The following GSE1 variants were observed in gnomAD, a reference collection of about 807,000 sequenced individuals.
The protein encoded by GSE1 is Gse1 coiled-coil protein, also known as genetic suppressor element 1.
GSE1 carries 32 observed loss-of-function variants against 112.6 expected under a neutral mutation model. That is an observed-to-expected ratio of 0.28 (90% confidence interval 0.21 to 0.38). The LOEUF (loss-of-function observed/expected upper bound fraction) is 0.38. Among genes scored for constraint, GSE1 ranks in the 10% least tolerant of loss-of-function variants. GSE1 has a pLI of 1.00. For synonymous variants in GSE1, 1,115 were observed against 735.6 expected (o/e 1.52, Z -8.35); for missense variants, 2,348 against 1,699.2 (o/e 1.38, Z -6.71).
At position 85,634,039 on chromosome 16, in the gene GSE1, G is replaced by C. The variant is rs377684294; in HGVS notation, c.133G>C (p.Ala45Pro). 6.2e-7 allele frequency: 1 copy of C among 1,610,218 alleles called. No homozygotes were observed. Among genetic ancestry groups the C allele is most frequent in the South Asian group, 1.1e-5 (1 of 90,812 alleles). ...CGCCCTGGTGCCCAGCGGCAGCCCC[G>C]CCACCAGCAGCGCGCTGTCGGCCCA... Reference protein sequence around the residue: ...NGALVPSGSPATSSALSAQAA... With the variant: ...NGALVPSGSPPTSSALSAQAA... The change falls in exon 2 of 16, where the codon GCC becomes CCC. Residue 45 changes from alanine (A) to proline (P), a missense_variant. Transcript: ENST00000253458.
upstream of GSE1, among the ~76,000 whole-genome samples, chr16:85,552,782 G>A (rs1407633755): frequency 6.6e-6 from 1 of 152,236 alleles, no homozygotes; most frequent in Non-Finnish European, 1.5e-5. Flanking sequence ...TGCAGCAGGG[G>A]AAGGGGGGCA....
chr16:85,542,604 A>T (rs1274732936), intron 2 of GSE1, among the ~76,000 whole-genome samples: 1 of 152,228 alleles, frequency 6.6e-6, no homozygotes, highest in East Asian at 1.9e-4. Context: ...TGTCTTTGGG[A>T]CACATGGGTT....
At chr16:85,308,219 C>T (rs1319465198) in intron 1 of GSE1, among the ~76,000 whole-genome samples, 2 of 152,180 alleles carry the variant, frequency 1.3e-5, no homozygotes, top group African/African-American at 4.8e-5. Context: ...AAGCCCTCAG[C>T]TCTGAAGACC....
chr16:85,203,959 C>T (rs944410658), intron 1 of GSE1, among the ~76,000 whole-genome samples: 2 of 152,058 alleles, frequency 1.3e-5, no homozygotes, highest in South Asian at 2.1e-4. Context: ...TTTGTAGAGA[C>T]GAGGTCTCAC....
chr16:85,644,420 C>A (rs989409319), intron 2 of GSE1, among the ~76,000 whole-genome samples: 1 of 151,878 alleles, frequency 6.6e-6, no homozygotes, highest in African/African-American at 2.4e-5. Flanking sequence ...TGTATGCCAC[C>A]AGCTGAGGGA....
rs576261000 is a variant in GSE1 at position 85,514,426 on chromosome 16, T to TC, written c.2465-119478dup. Reference sequence around the variant, plus strand: ...CCCAGGATGCCCGCATGCTCTCGAGTCCCCCCCCCCACCCCAGGGCAGCTC... The same window carrying TC: ...CCCAGGATGCCCGCATGCTCTCGAGTCCCCCCCCCCCACCCCAGGGCAGCTC... On this transcript the variant is annotated intron_variant, in intron 2 of 2. Transcript: ENST00000637419. 2.4e-3 allele frequency among the ~76,000 whole-genome samples: 139 copies of TC among 58,936 alleles called. 6 individuals are homozygous for TC. The highest frequency in any genetic ancestry group is 7.7e-3 in the South Asian group (7 of 912). The allele number at this position is 58,936 out of a possible 152,430, so 38.7% of individuals were successfully genotyped here.
At chr16:85,174,664 G>A (rs1357730815) in intron 1 of GSE1, among the ~76,000 whole-genome samples, 2 of 152,240 alleles carry the variant, frequency 1.3e-5, no homozygotes, top group Non-Finnish European at 2.9e-5. Flanking sequence ...CATGAGGAGT[G>A]GAGGGAAGGA....
chr16:85,657,556 G>A lies in GSE1; in HGVS notation c.1592G>A (p.Arg531Gln), dbSNP rs769714454. 35 of 1,581,474 alleles carry A rather than the reference G, an allele frequency of 2.2e-5. No homozygotes were observed. Among genetic ancestry groups the A allele is most frequent in the Admixed American group, 1.8e-4 (10 of 56,362 alleles). Residue 531 changes from arginine (R) to glutamine (Q), a missense_variant, in exon 8 of 16, where the codon CGG becomes CAG. Coordinates refer to ENST00000253458, the MANE Select transcript of GSE1 (RefSeq NM_014615.5). ...QVLEQHLDMG[R>Q]PPVPAEAEHR... ...CTGGAGCAGCACCTGGATATGGGCC[G>A]GCCCCCGGTGCCGGCGGAGGCAGAG...
intron 1 of GSE1, among the ~76,000 whole-genome samples, chr16:85,589,723 GTGAC>G (rs1390849250): frequency 4.6e-5 from 7 of 152,132 alleles, no homozygotes; most frequent in Non-Finnish European, 1.0e-4. Context: ...ACGTGTGAAT[GTGAC>G]TGTGTGAATG....
intron 2 of GSE1, among the ~76,000 whole-genome samples, chr16:85,421,718 G>C (rs1328317735): frequency 1.3e-5 from 2 of 152,132 alleles, no homozygotes; most frequent in Non-Finnish European, 2.9e-5. Context: ...TTCCCTCGGG[G>C]AACCAAGGGC....
chr16:85,349,305 C>T (rs1481810363), intron 1 of GSE1, among the ~76,000 whole-genome samples: 4 of 152,184 alleles, frequency 2.6e-5, no homozygotes, highest in East Asian at 3.9e-4. Flanking sequence ...AATTAAGGGG[C>T]GTAAAATACT....
chr16:85,556,320 T>G (rs1011154653), exon 1 of GSE1: 5 of 984,706 alleles, frequency 5.1e-6, no homozygotes, highest in Admixed American at 6.2e-5. Flanking sequence ...GAATTCTAAT[T>G]TGAACCATGT....
intron 1 of GSE1, among the ~76,000 whole-genome samples, chr16:85,590,327 AGT>A (rs377069631): frequency 1.9e-4 from 26 of 136,458 alleles, no homozygotes; most frequent in East Asian, 4.3e-4. Context: ...TGTGAATGTG[AGT>A]GTGTGTGATT....
intron 1 of GSE1, among the ~76,000 whole-genome samples, chr16:85,206,994 C>T (rs893221985): frequency 3.9e-5 from 6 of 152,318 alleles, no homozygotes; most frequent in African/African-American, 7.2e-5. Context: ...AGCGGTCCGG[C>T]GGGCTGGCCT....
At chr16:85,635,195 G>T (rs931126798) in intron 2 of GSE1, among the ~76,000 whole-genome samples, 1 of 152,138 alleles carries the variant, frequency 6.6e-6, no homozygotes, top group Non-Finnish European at 1.5e-5. Context: ...GCTGCTGCTC[G>T]TTGGAGAATG....
rs763381462 is a variant in GSE1, at chr16:85,432,459, C to A, written c.2464+74816C>A. Among the ~76,000 whole-genome samples the A allele has an allele frequency of 1.2e-4, 19 of 152,338 alleles. No homozygotes were observed. The East Asian group carries it at 3.5e-3, about 28-fold the overall frequency. On this transcript the variant is annotated intron_variant, in intron 2 of 2. Coordinates refer to the GSE1 transcript ENST00000637419. ...AAGCTCTGACCCAGCCCACTGTCTC[C>A]CAGGTGCCGAGCAGCTGAGCTGCAC...
intron 15 of GSE1, 156 bp from the exon 16 acceptor site, chr16:85,672,249 C>T (rs890305996): frequency 1.1e-5 from 7 of 627,706 alleles, no homozygotes; most frequent in Admixed American, 2.4e-5. Context: ...CCCGCCTCGA[C>T]CTCCAAAAGT....
intron 1 of GSE1, among the ~76,000 whole-genome samples, chr16:85,322,183 G>A (rs1275840228): frequency 6.6e-6 from 1 of 152,192 alleles, no homozygotes; most frequent in African/African-American, 2.4e-5. Context: ...CTTGCCAGCG[G>A]CTAGCTCAGT....
intron 1 of GSE1, among the ~76,000 whole-genome samples, chr16:85,302,410 C>T (rs943069496): frequency 6.6e-6 from 1 of 151,312 alleles, no homozygotes; most frequent in Non-Finnish European, 1.5e-5. Context: ...GCCCAGTTTA[C>T]TGAATGACCA....
Sources: allele counts gnomAD v4.1 joint callset (sites outside exome capture counted in the v4.1 genomes callset), GRCh38; gene constraint gnomAD v4.1.1; transcripts MANE v1.5; gene names NCBI Gene and HGNC (gene_info 2026-07-23, HGNC 2026-07-21).